The following NEK10 variants were observed in gnomAD, a reference collection of about 807,000 sequenced individuals.
NEK10 encodes the protein serine/threonine-protein kinase Nek10.
A neutral mutation model predicts 159.8 loss-of-function variants in NEK10; 122 were observed. The observed-to-expected ratio is 0.76, with a 90% CI of 0.66 to 0.89. The LOEUF is 0.89. Among genes scored for constraint, NEK10 ranks in the 40% least tolerant of loss-of-function variants. The probability of loss-of-function intolerance (pLI) is 0.00; values close to 1 mark genes in which losing one functional copy is unlikely to be tolerated. For missense variants in NEK10, 1,342 were observed against 1,323.1 expected (o/e 1.01, Z -0.22); for synonymous variants, 466 against 457.1 (o/e 1.02, Z -0.25).
chr3:27,234,482 T>C (rs1953682497), intron 23 of NEK10, among the ~76,000 whole-genome samples: 2 of 151,556 alleles, frequency 1.3e-5, no homozygotes, highest in South Asian at 4.2e-4. Context: ...ATCAGGCCAA[T>C]ATCCAAATCA....
At chr3:27,182,638 T>C (rs1209085072) in intron 26 of NEK10, among the ~76,000 whole-genome samples, 2 of 152,142 alleles carry the variant, frequency 1.3e-5, no homozygotes, top group Non-Finnish European at 2.9e-5. Flanking sequence ...AAGAGATATC[T>C]GCATGCTCAT....
intron 29 of NEK10, among the ~76,000 whole-genome samples, chr3:27,166,732 G>A (rs2148839059): frequency 1.3e-5 from 2 of 152,170 alleles, no homozygotes; most frequent in East Asian, 1.9e-4. Flanking sequence ...GGCCCAGGGG[G>A]GTGGATCACC....
chr3:27,155,813 A>G (rs984157848), intron 30 of NEK10, among the ~76,000 whole-genome samples: 7 of 152,140 alleles, frequency 4.6e-5, no homozygotes, highest in African/African-American at 1.7e-4. Context: ...ATGCAACCAA[A>G]AAGGAGTCTG....
chr3:27,143,287 T>C (rs1943961439), intron 30 of NEK10, among the ~76,000 whole-genome samples: 1 of 152,218 alleles, frequency 6.6e-6, no homozygotes, highest in Non-Finnish European at 1.5e-5. Context: ...AGCTTGATTT[T>C]TTAAAATCAT....
At chr3:27,326,997 G>A (rs1473032082) in intron 5 of NEK10, among the ~76,000 whole-genome samples, 1 of 152,194 alleles carries the variant, frequency 6.6e-6, no homozygotes, top group Non-Finnish European at 1.5e-5. Flanking sequence ...GAAACACACA[G>A]CTTAGTGCAA....
At chr3:27,293,735 A>G in intron 15 of NEK10, 83 bp from the exon 16 acceptor site, 1 of 740,064 alleles carries the variant, frequency 1.4e-6, no homozygotes. Context: ...CAGGAAGTAA[A>G]CATTAACGTG....
intron 22 of NEK10, among the ~76,000 whole-genome samples, chr3:27,257,846 T>G (rs1956372873): frequency 6.7e-6 from 1 of 150,034 alleles, no homozygotes; most frequent in Non-Finnish European, 1.5e-5. Flanking sequence ...TGGAGTGCAG[T>G]GGCGCAATCT....
chr3:27,162,544 A>T, intron 30 of NEK10, 157 bp downstream of exon 30: 1 of 1,614,168 alleles, frequency 6.2e-7, no homozygotes, highest in Non-Finnish European at 8.5e-7. Flanking sequence ...TATTTCCTTA[A>T]TGTGGGCCCT....
intron 6 of NEK10, among the ~76,000 whole-genome samples, chr3:27,316,802 A>G (rs1370387064): frequency 6.6e-5 from 10 of 152,026 alleles, no homozygotes; most frequent in African/African-American, 2.2e-4. Flanking sequence ...AAAAAAAAGA[A>G]AAGAGAGAGA....
rs114640766 is a variant in NEK10, at chr3:27,324,733, A to C, written c.363-2472T>G. 5.8e-3 allele frequency among the ~76,000 whole-genome samples: 878 copies of C among 152,092 alleles called. 13 individuals carry two copies. The highest frequency in any genetic ancestry group is 0.02 in the African/African-American group (842 of 41,484). On this transcript the variant is annotated intron_variant, in intron 5 of 35. Coordinates refer to ENST00000691995, the MANE Select transcript of NEK10 (RefSeq NM_001394966.1). ...TGCCAAGATGATTCTTTACAAACAC[A>C]AGTCCATTCACGTCACTCCTCAGCC... is the stretch of plus-strand genomic sequence containing the variant.
intron 22 of NEK10, among the ~76,000 whole-genome samples, chr3:27,269,848 C>T (rs1011749716): frequency 2.0e-5 from 3 of 152,130 alleles, no homozygotes; most frequent in African/African-American, 2.4e-5. Flanking sequence ...TAAAATTACT[C>T]GGTTGTTCCT....
chr3:27,222,531 G>A (rs1186145281), intron 23 of NEK10, among the ~76,000 whole-genome samples: 1 of 152,088 alleles, frequency 6.6e-6, no homozygotes, highest in Non-Finnish European at 1.5e-5. Flanking sequence ...TTAGCCCCAG[G>A]TGGTGAAATT....
At chr3:27,322,353 G>A (rs889558175) in intron 5 of NEK10, 92 bp from the exon 6 acceptor site, 76 of 725,716 alleles carry the variant, frequency 1.0e-4, no homozygotes, top group Admixed American at 3.8e-4. Context: ...TATAAAGAAC[G>A]CACTAAGCAC....
At chr3:27,166,556 C>T (rs1266722950) in intron 29 of NEK10, among the ~76,000 whole-genome samples, 3 of 152,144 alleles carry the variant, frequency 2.0e-5, no homozygotes, top group African/African-American at 7.2e-5. Flanking sequence ...ATAAGCAAGA[C>T]TTCCGCTTTT....
chr3:27,297,122 A>G (rs1050227331), intron 14 of NEK10, 57 bp downstream of exon 14: 1 of 1,086,150 alleles, frequency 9.2e-7, no homozygotes, highest in African/African-American at 1.5e-5. Context: ...CTGCACCACA[A>G]GGTGAGTTGA....
At chr3:27,337,741 A>G (rs896713017) in intron 5 of NEK10, among the ~76,000 whole-genome samples, 1 of 152,214 alleles carries the variant, frequency 6.6e-6, no homozygotes, top group African/African-American at 2.4e-5. Flanking sequence ...GAAATTGGAT[A>G]TCAGTATGCA....
chr3:27,180,763 A>G (rs1017124464), intron 26 of NEK10, among the ~76,000 whole-genome samples: 3 of 152,136 alleles, frequency 2.0e-5, no homozygotes, highest in African/African-American at 7.2e-5. Flanking sequence ...CAAGAAAAAG[A>G]GTCACCATTG....
rs11351970 is a variant in NEK10 at position 27,331,237 on chromosome 3, C to CAAAAAAAAA, written c.363-8985_363-8977dup. On this transcript the variant is annotated intron_variant, in intron 5 of 35. Coordinates refer to ENST00000691995, the MANE Select transcript of NEK10 (RefSeq NM_001394966.1). ...TGGGTGATAAAGTAAGACTCTGTCT[C>CAAAAAAAAA]AAAAAAAAAAAAACAAAAAAAAAAA... 2.1e-3 allele frequency among the ~76,000 whole-genome samples: 61 copies of CAAAAAAAAA among 29,576 alleles called. 5 individuals are homozygous for CAAAAAAAAA. The highest frequency in any genetic ancestry group is 2.3e-3 in the Non-Finnish European group (20 of 8,604). The allele number at this position is 29,576 out of a possible 152,430, so 19.4% of individuals were successfully genotyped here.
chr3:27,327,084 C>A (rs1234990362), intron 5 of NEK10, among the ~76,000 whole-genome samples: 1 of 152,140 alleles, frequency 6.6e-6, no homozygotes, highest in African/African-American at 2.4e-5. Context: ...CAATTGTGGC[C>A]TGGAGGAGCT....
Sources: gnomAD v4.1 joint callset for allele counts (sites outside exome capture counted in the v4.1 genomes callset) on GRCh38, gnomAD v4.1.1 for gene constraint, MANE v1.5 for transcripts, NCBI Gene and HGNC (gene_info 2026-07-23, HGNC 2026-07-21) for gene names.